KCND3: variants seen among roughly 807,000 people sequenced by gnomAD.
The protein encoded by KCND3 is A-type voltage-gated potassium channel KCND3.
KCND3 carries 9 observed loss-of-function variants against 51.1 expected under a neutral mutation model. That is an observed-to-expected ratio of 0.18 (90% CI 0.11 to 0.31). The LOEUF is 0.31. KCND3 is among the 10% of genes least tolerant of loss of function. The pLI is 1.00. For missense variants in KCND3, 526 were observed against 903.8 expected, an observed-to-expected ratio of 0.58 and a Z score of 5.36; for synonymous variants, 349 against 368.0, an observed-to-expected ratio of 0.95 and a Z score of 0.59.
In KCND3 at chr1:111,780,690, C is replaced by T. The variant is rs773858454; in HGVS notation, c.1371G>A (p.Thr457=). The part of the protein sequence containing the change: ...NGLLNEALEL[T]GTPEEEHMGK... Reference sequence around the variant, plus strand: ...TAGCCCAGGTCCTCTAGGCACCTACCGTCAGCTCCAGCGCCTCGTTGAGGA... The same window carrying T: ...TAGCCCAGGTCCTCTAGGCACCTACTGTCAGCTCCAGCGCCTCGTTGAGGA... Residue 457 remains threonine (T), a splice_region_variant and synonymous_variant, in exon 4 of 8, where the codon ACG becomes ACA. Transcript: ENST00000302127. The surrounding 1 kb of genome is among the most constrained non-coding windows in gnomAD (Gnocchi z 4.2). The T allele has an allele frequency of 6.8e-6, 11 of 1,607,280 alleles. No individual in the cohort carries two copies. The highest frequency in any genetic ancestry group is 4.5e-5 in the South Asian group (4 of 89,146).
chr1:111,910,225 C>G (rs947545838), intron 2 of KCND3: 7 of 152,346 alleles, frequency 4.6e-5, no homozygotes, highest in Non-Finnish European at 7.3e-5. Context: ...CTGCCATCCA[C>G]AGAAGAGCTC....
chr1:111,950,634 A>G (rs557150261), intron 2 of KCND3, among the ~76,000 whole-genome samples: 2 of 152,346 alleles, frequency 1.3e-5, no homozygotes, highest in South Asian at 2.1e-4. Context: ...AGATGAAGGA[A>G]ATCTTAAGAG....
intron 2 of KCND3, among the ~76,000 whole-genome samples, chr1:111,834,712 A>C (rs900995226): frequency 2.0e-5 from 3 of 152,212 alleles, no homozygotes; most frequent in African/African-American, 7.2e-5. Flanking sequence ...CCAAATCTTT[A>C]ACTCCCATAC....
At position 111,771,099 on chromosome 1, in the gene KCND3, C is replaced by G. The variant is rs1023307010; in HGVS notation, c.*4978G>C. On this transcript the variant is annotated 3_prime_UTR_variant, in exon 8 of 8. Transcript: ENST00000302127. ...AGCCCCCCAGGACTTGGGTCAGTGCCGTACACTGGTTAGAGTGACATCATC... is the reference window on the plus strand; with the variant it reads ...AGCCCCCCAGGACTTGGGTCAGTGCGGTACACTGGTTAGAGTGACATCATC... 2 of 152,122 alleles carry G rather than the reference C, an allele frequency of 1.3e-5. No individual in the cohort carries two copies. The highest frequency in any genetic ancestry group is 4.8e-5 in the African/African-American group (2 of 41,428). The allele number at this position is 152,122 out of a possible 1,614,324, so 9.4% of individuals were successfully genotyped here.
chr1:111,880,352 C>G (rs1669245007), intron 2 of KCND3, among the ~76,000 whole-genome samples: 1 of 152,144 alleles, frequency 6.6e-6, no homozygotes, highest in African/African-American at 2.4e-5. Context: ...ACAACTGCTG[C>G]TGGAGGAGGT....
In KCND3 at chr1:111,866,275, T is replaced by A. The variant is rs568429739; in HGVS notation, c.1107-79169A>T. On this transcript the variant is annotated intron_variant, in intron 2 of 7. Transcript: ENST00000302127. ...TTTCTTTTCTTTTCTTTTTTTTTTT[T>A]TTTTTGACAAGGTCTGGCTCTGTTG... 2.9e-3 allele frequency among the ~76,000 whole-genome samples: 425 copies of A among 148,428 alleles called. 5 individuals carry two copies. The highest frequency in any genetic ancestry group is 7.1e-3 in the East Asian group (36 of 5,096).
chr1:111,924,413 T>C (rs1190146166), intron 2 of KCND3, among the ~76,000 whole-genome samples: 1 of 152,196 alleles, frequency 6.6e-6, no homozygotes, highest in Non-Finnish European at 1.5e-5. Context: ...AGATGGAGCT[T>C]CATCAGGCCT....
At chr1:111,890,335 A>G (rs1177362196) in intron 2 of KCND3, among the ~76,000 whole-genome samples, 1 of 152,182 alleles carries the variant, frequency 6.6e-6, no homozygotes. Flanking sequence ...GAGGTTGGAT[A>G]TGGGCGTGAG....
chr1:111,873,589 C>T (rs1668921562), intron 2 of KCND3, among the ~76,000 whole-genome samples: 1 of 152,086 alleles, frequency 6.6e-6, no homozygotes, highest in Admixed American at 6.5e-5. Context: ...GGAAGACAGG[C>T]TAAGTGTCTG....
At chr1:111,832,928 CATACTGGGTCCAGGAGGTAATTAAAGT>C (rs1666906326) in intron 2 of KCND3, among the ~76,000 whole-genome samples, 1 of 152,198 alleles carries the variant, frequency 6.6e-6, no homozygotes, top group Admixed American at 6.5e-5. Flanking sequence ...AAACAGACAT[CATACTGGGTCCAGGAGGTAATTAAAGT>C]TTCAGGGGCA....
At chr1:111,892,290 CTCTT>C (rs1669869119) in intron 2 of KCND3, among the ~76,000 whole-genome samples, 2 of 152,208 alleles carry the variant, frequency 1.3e-5, no homozygotes, top group South Asian at 4.1e-4. Context: ...CCTAGACTCT[CTCTT>C]TCTCTCTCTC....
chr1:111,853,115 C>T (rs1370512996), intron 2 of KCND3, among the ~76,000 whole-genome samples: 1 of 152,140 alleles, frequency 6.6e-6, no homozygotes, highest in East Asian at 1.9e-4. Context: ...GTGGAGAAAT[C>T]GAGGCTTAGA....
In KCND3 at chr1:111,780,903, A is replaced by G. The variant is rs1664355598; in HGVS notation, c.1270-112T>C. 8.3e-6 allele frequency: 7 copies of G among 847,148 alleles called. No individual in the cohort carries two copies. The highest frequency in any genetic ancestry group is 1.4e-5 in the Non-Finnish European group (7 of 516,122). 52.5% of individuals were successfully genotyped at this position (847,148 alleles called of 1,614,324 possible). On this transcript the variant is annotated intron_variant, in intron 3 of 7. Coordinates refer to ENST00000302127, the MANE Select transcript of KCND3 (RefSeq NM_001378969.1). The surrounding 1 kb of genome is among the most constrained non-coding windows in gnomAD (Gnocchi z 4.2). ...CAGGTGACACCTGATGAAGGGGATG[A>G]GGCTGTTTCTCTCCAACCTCATGCA...
intron 2 of KCND3, among the ~76,000 whole-genome samples, chr1:111,851,395 G>A (rs1487435316): frequency 1.3e-5 from 2 of 152,152 alleles, no homozygotes; most frequent in Non-Finnish European, 2.9e-5. Flanking sequence ...GTTTCCTTGA[G>A]TCCTTAAGGA....
intron 2 of KCND3, among the ~76,000 whole-genome samples, chr1:111,791,564 CCTTT>C (rs1370298870): frequency 6.6e-6 from 1 of 152,230 alleles, no homozygotes; most frequent in Non-Finnish European, 1.5e-5. Flanking sequence ...TTCCATCCTT[CCTTT>C]GACTCTGCTC....
At chr1:111,816,586 T>C (rs77020185) in intron 2 of KCND3, among the ~76,000 whole-genome samples, 2,740 of 152,258 alleles carry the variant, frequency 0.018, 76 homozygotes, top group African/African-American at 0.061. Flanking sequence ...CTGGGAAAGA[T>C]GGGGGAATTC....
intron 2 of KCND3, among the ~76,000 whole-genome samples, chr1:111,831,360 T>C (rs566586646): frequency 1.3e-5 from 2 of 152,152 alleles, no homozygotes; most frequent in Non-Finnish European, 1.5e-5. Context: ...TTTCTCATGA[T>C]AGTGAGTGAG....
intron 1 of KCND3, chr1:111,989,014 T>C (rs1335283098): frequency 2.0e-5 from 3 of 152,040 alleles, no homozygotes; most frequent in African/African-American, 7.3e-5. Flanking sequence ...TTCCCAGAGC[T>C]CGCGGGGTGG....
intron 2 of KCND3, among the ~76,000 whole-genome samples, chr1:111,842,027 T>C (rs1023413304): frequency 6.6e-6 from 1 of 152,168 alleles, no homozygotes; most frequent in Non-Finnish European, 1.5e-5. Flanking sequence ...ATTGGGACTT[T>C]GTAGCATAAA....
Sources: allele counts gnomAD v4.1 joint callset (sites outside exome capture counted in the v4.1 genomes callset), GRCh38; gene constraint gnomAD v4.1.1; non-coding constraint Gnocchi (gnomAD v3.1); transcripts MANE v1.5; gene names NCBI Gene and HGNC (gene_info 2026-07-23, HGNC 2026-07-21).